Variants in BRINP1 observed in about 807,000 individuals in gnomAD.
BRINP1 encodes the protein BMP/retinoic acid inducible neural specific 1.
BRINP1 carries 17 observed loss-of-function variants against 72.9 expected under a neutral mutation model. The observed-to-expected ratio is 0.23, with a 90% CI of 0.16 to 0.35. BRINP1 has a LOEUF of 0.35. Ranked by LOEUF, BRINP1 falls within the 10% of genes least tolerant of loss-of-function variation. BRINP1 has a pLI of 1.00. For synonymous variants in BRINP1, 418 were observed against 378.5 expected (o/e 1.10, Z -1.21); for missense variants, 850 against 1,001.6 (o/e 0.85, Z 2.04).
intron 2 of BRINP1, among the ~76,000 whole-genome samples, chr9:119,266,853 G>T (rs992664702): frequency 6.6e-6 from 1 of 152,222 alleles, no homozygotes; most frequent in South Asian, 2.1e-4. Flanking sequence ...AGGCTGAATA[G>T]GAGGACTTCA....
chr9:119,190,412 TAAA>T (rs200553535), intron 7 of BRINP1, among the ~76,000 whole-genome samples: 3 of 131,540 alleles, frequency 2.3e-5, no homozygotes, highest in Non-Finnish European at 1.6e-5. Context: ...CTAGCTAGAC[TAAA>T]AAAAAAAAAA....
At chr9:119,271,357 T>A (rs1211317475) in intron 2 of BRINP1, among the ~76,000 whole-genome samples, 2 of 151,972 alleles carry the variant, frequency 1.3e-5, no homozygotes, top group African/African-American at 4.8e-5. Flanking sequence ...GGCCTTTGAT[T>A]TCACCCTGGA....
chr9:119,270,482 G>A (rs184199712), intron 2 of BRINP1, among the ~76,000 whole-genome samples: 6 of 152,226 alleles, frequency 3.9e-5, no homozygotes, highest in Admixed American at 2.0e-4. Context: ...AGAAGAGGTG[G>A]CCAGATTCTG....
rs1345477198 is a variant in BRINP1, at chr9:119,214,069, A to G, written c.772T>C (p.Tyr258His). 1 of 1,612,758 alleles carries G rather than the reference A, an allele frequency of 6.2e-7. No individual in the cohort carries two copies. Among genetic ancestry groups the G allele is most frequent in the Non-Finnish European group, 8.5e-7 (1 of 1,179,132 alleles). ...CGACACTGGCTGTTCTGGCACAGGT[A>G]CTCCCCCTCCCCATTGCACATGATA... ...SYIMCNGEGEYLCQNSQCRCQ... is the reference protein window; with the variant it reads ...SYIMCNGEGEHLCQNSQCRCQ... Residue 258 changes from tyrosine (Y) to histidine (H), a missense_variant, in exon 6 of 8, where the codon TAC (tyrosine) becomes CAC (histidine). Physicochemically the swap from Tyr to His is moderately conservative, Grantham distance 83. Coordinates refer to ENST00000265922, the MANE Select transcript of BRINP1 (RefSeq NM_014618.3).
At chr9:119,251,455 C>T (rs376213205) in intron 2 of BRINP1, among the ~76,000 whole-genome samples, 2 of 152,032 alleles carry the variant, frequency 1.3e-5, no homozygotes, top group East Asian at 3.9e-4. Context: ...TGGTTAAAAA[C>T]AAAAACAGCC....
intron 1 of BRINP1, among the ~76,000 whole-genome samples, chr9:119,346,633 A>G (rs1249693655): frequency 6.6e-6 from 1 of 152,216 alleles, no homozygotes; most frequent in Non-Finnish European, 1.5e-5. Flanking sequence ...AAAAAAAACA[A>G]TTCCAACAGG....
At chr9:119,188,011 AG>A (rs1829642869) in intron 7 of BRINP1, among the ~76,000 whole-genome samples, 1 of 152,228 alleles carries the variant, frequency 6.6e-6, no homozygotes, top group Non-Finnish European at 1.5e-5. Flanking sequence ...AGCCCAGTAA[AG>A]GGGGAATTTA....
chr9:119,187,322 A>G (rs572685262), intron 7 of BRINP1, among the ~76,000 whole-genome samples: 290 of 152,078 alleles, frequency 1.9e-3, no homozygotes, highest in Non-Finnish European at 3.2e-3. Flanking sequence ...AAGTCTTCAC[A>G]CTGTGGGAAA....
At chr9:119,311,885 C>A (rs1382650599) in intron 2 of BRINP1, among the ~76,000 whole-genome samples, 1 of 152,182 alleles carries the variant, frequency 6.6e-6, no homozygotes, top group Non-Finnish European at 1.5e-5. Context: ...GCACTGGGGT[C>A]AGGTAAATCA....
chr9:119,312,685 C>T (rs548346112), intron 2 of BRINP1, among the ~76,000 whole-genome samples: 6 of 152,274 alleles, frequency 3.9e-5, no homozygotes, highest in East Asian at 3.9e-4. Context: ...CTCAAAACAA[C>T]GTTACTTATA....
chr9:119,330,647 T>C (rs977382058), intron 1 of BRINP1, among the ~76,000 whole-genome samples: 1 of 152,198 alleles, frequency 6.6e-6, no homozygotes, highest in African/African-American at 2.4e-5. Flanking sequence ...CACAATCCTA[T>C]ATCCTTACAT....
rs1297215370 is a variant in BRINP1 at position 119,200,325 on chromosome 9, A to C, written c.1145+8394T>G. 2.0e-5 allele frequency among the ~76,000 whole-genome samples: 3 copies of C among 152,256 alleles called. No individual in the cohort carries two copies. In the East Asian group the frequency reaches 5.8e-4, roughly 29 times the overall value. ...AGATAGGCATTAATAAATAGATTTA[A>C]AAAGGGAAAACAGTAGTCAGGTGCA... On this transcript the variant is annotated intron_variant, in intron 7 of 7. Transcript: ENST00000265922.
At chr9:119,184,155 AG>A (rs1829588532) in intron 7 of BRINP1, among the ~76,000 whole-genome samples, 2 of 152,202 alleles carry the variant, frequency 1.3e-5, no homozygotes, top group African/African-American at 4.8e-5. Flanking sequence ...GCCTTGCATC[AG>A]CCAAGTGAGT....
At chr9:119,168,559 G>C (rs781064822) in intron 7 of BRINP1, among the ~76,000 whole-genome samples, 2 of 119,534 alleles carry the variant, frequency 1.7e-5, no homozygotes, top group East Asian at 8.0e-4. Context: ...TTCAGGAAAT[G>C]AAAGTGTCTA....
At chr9:119,326,873 C>T (rs760908909) in intron 1 of BRINP1, among the ~76,000 whole-genome samples, 3 of 152,288 alleles carry the variant, frequency 2.0e-5, no homozygotes, top group African/African-American at 7.2e-5. Context: ...TCTGGAAATG[C>T]TTCCTGGAGA....
intron 6 of BRINP1, among the ~76,000 whole-genome samples, chr9:119,210,502 G>A (rs1014029748): frequency 6.6e-6 from 1 of 152,098 alleles, no homozygotes; most frequent in African/African-American, 2.4e-5. Flanking sequence ...AAAGAAAATA[G>A]GGCACAGAGA....
intron 7 of BRINP1, among the ~76,000 whole-genome samples, chr9:119,177,224 C>T (rs928714264): frequency 6.6e-6 from 1 of 152,122 alleles, no homozygotes; most frequent in African/African-American, 2.4e-5. Context: ...ATTCGTTTTC[C>T]GTACCATCCA....
intron 7 of BRINP1, among the ~76,000 whole-genome samples, chr9:119,171,593 G>T (rs1334563979): frequency 5.9e-5 from 8 of 136,734 alleles, no homozygotes; most frequent in African/African-American, 2.2e-4. Flanking sequence ...AGTCAACAAG[G>T]ATACCCAGGA....
Position 119,368,105 on chromosome 9 carries a change from C to T in BRINP1, c.-51+951G>A, listed in dbSNP as rs1194721076. On this transcript the variant is annotated intron_variant, in intron 1 of 7. Coordinates refer to ENST00000265922, the MANE Select transcript of BRINP1 (RefSeq NM_014618.3). This position sits in a 1 kb window ranked among gnomAD's most constrained non-coding sequence, Gnocchi z 4.7. ...AGCAAGTCCCCGAGGACGCTTTCTC[C>T]TTTCCCCTGAGGGGGATCCATGCAA... is the stretch of plus-strand genomic sequence containing the variant. Among the ~76,000 whole-genome samples, 2 of 152,218 alleles carry T rather than the reference C, an allele frequency of 1.3e-5. No individual in the cohort carries two copies. Among genetic ancestry groups the T allele is most frequent in the Non-Finnish European group, 2.9e-5 (2 of 68,036 alleles).
Sources: gnomAD v4.1 joint callset for allele counts (sites outside exome capture counted in the v4.1 genomes callset) on GRCh38, gnomAD v4.1.1 for gene constraint, Gnocchi (gnomAD v3.1) non-coding constraint, MANE v1.5 for transcripts, NCBI Gene and HGNC (gene_info 2026-07-23, HGNC 2026-07-21) for gene names.